Variants in SMARCAL1 observed in about 807,000 individuals in gnomAD.
SMARCAL1 encodes ATP-driven annealing helicase.
SMARCAL1 carries 58 observed loss-of-function variants against 94.5 expected under a neutral mutation model. That is an observed-to-expected ratio of 0.61 (90% CI 0.50 to 0.76). SMARCAL1 has a LOEUF of 0.76. Among genes scored for constraint, SMARCAL1 ranks in the 30% least tolerant of loss-of-function variants. The pLI, the probability that SMARCAL1 is intolerant of heterozygous loss-of-function variation, is 0.00. For synonymous variants in SMARCAL1, 422 were observed against 455.1 expected (o/e 0.93, Z 0.93); for missense variants, 1,051 against 1,177.9 (o/e 0.89, Z 1.58).
chr2:216,434,211 G>T (rs946414427), intron 8 of SMARCAL1, among the ~76,000 whole-genome samples: 2 of 152,052 alleles, frequency 1.3e-5, no homozygotes, highest in Non-Finnish European at 2.9e-5. Flanking sequence ...CAGCCAGACG[G>T]TGACCAGCCT....
intron 8 of SMARCAL1, 143 bp from the exon 9 acceptor site, chr2:216,435,195 G>A (rs1694054784): frequency 1.2e-6 from 1 of 820,106 alleles, no homozygotes; most frequent in African/African-American, 1.7e-5. Flanking sequence ...GGAGTGTCCT[G>A]TTAGTGGCAA....
In SMARCAL1 at chr2:216,420,281, ATTC is replaced by A. The variant is rs762653086; in HGVS notation, c.863-9_863-7del. 24 of 1,600,786 alleles carry A rather than the reference ATTC, an allele frequency of 1.5e-5. No homozygotes were observed. The highest frequency in any genetic ancestry group is 1.1e-4 in the South Asian group (10 of 90,614). On this transcript the variant is annotated splice_polypyrimidine_tract_variant and intron_variant, in intron 4 of 17. Transcript: ENST00000357276. ...TCCCCTGCTTTATCACTTCTGTTCG[ATTC>A]TTCTTCTTTGGCAGTGAAAGCAGCC...
intron 17 of SMARCAL1, among the ~76,000 whole-genome samples, chr2:216,481,227 C>G (rs144048993): frequency 6.0e-4 from 92 of 152,260 alleles, no homozygotes; most frequent in African/African-American, 2.1e-3. Context: ...GGGTCTCACT[C>G]TGTCACCCAG....
intron 10 of SMARCAL1, among the ~76,000 whole-genome samples, chr2:216,445,799 T>A (rs1694302401): frequency 6.6e-6 from 1 of 152,260 alleles, no homozygotes; most frequent in African/African-American, 2.4e-5. Flanking sequence ...TATTGGCGAT[T>A]GCTGTGAGGG....
At chr2:216,443,893 G>A (rs925487474) in intron 10 of SMARCAL1, among the ~76,000 whole-genome samples, 2 of 152,156 alleles carry the variant, frequency 1.3e-5, no homozygotes, top group African/African-American at 2.4e-5. Flanking sequence ...CTCCCTCCCC[G>A]ACTCCAAGCA....
chr2:216,437,444 G>A (rs1024366399), intron 9 of SMARCAL1, among the ~76,000 whole-genome samples: 2 of 152,200 alleles, frequency 1.3e-5, no homozygotes, highest in Admixed American at 6.5e-5. Flanking sequence ...TTTAAGGACA[G>A]CGTTGGGATC....
rs1390921922 is a variant in SMARCAL1 at position 216,482,596 on chromosome 2, A to C, written c.2626-142A>C. Reference sequence around the variant, plus strand: ...TAGTGATGGTTTGCTGAGATGATGCACACTTGCCATCGTGTAGCTCCCTGA... The same window carrying C: ...TAGTGATGGTTTGCTGAGATGATGCCCACTTGCCATCGTGTAGCTCCCTGA... On this transcript the variant is annotated intron_variant, in intron 17 of 17. Coordinates refer to ENST00000357276, the MANE Select transcript of SMARCAL1 (RefSeq NM_014140.4). The surrounding 1 kb of genome is among the most constrained non-coding windows in gnomAD (Gnocchi z 4.3). 3 of 1,158,294 alleles carry C rather than the reference A, an allele frequency of 2.6e-6. No individual in the cohort carries two copies. In the East Asian group the frequency reaches 7.0e-5, roughly 27 times the overall value. The allele number at this position is 1,158,294 out of a possible 1,614,324, so 71.8% of individuals were successfully genotyped here.
intron 12 of SMARCAL1, among the ~76,000 whole-genome samples, chr2:216,461,092 A>ATG (rs962222971): frequency 6.8e-5 from 8 of 117,034 alleles, no homozygotes; most frequent in African/African-American, 1.3e-4. Context: ...GTGTGTGTGT[A>ATG]TGTGTGTGTG....
intron 6 of SMARCAL1, among the ~76,000 whole-genome samples, chr2:216,426,006 C>T (rs567385480): frequency 3.9e-5 from 6 of 152,254 alleles, no homozygotes; most frequent in South Asian, 2.1e-4. Flanking sequence ...GAATTATAGG[C>T]GCATATCCCC....
At chr2:216,459,781 A>G (rs1255170443) in intron 12 of SMARCAL1, among the ~76,000 whole-genome samples, 1 of 152,084 alleles carries the variant, frequency 6.6e-6, no homozygotes, top group Admixed American at 6.5e-5. Flanking sequence ...ATGGGCAAGG[A>G]CTTCATGTCT....
chr2:216,462,219 T>C (rs1694721442), intron 12 of SMARCAL1, among the ~76,000 whole-genome samples: 1 of 152,222 alleles, frequency 6.6e-6, no homozygotes, highest in Admixed American at 6.5e-5. Context: ...TCTCAGCAGT[T>C]TTCCATCTGT....
chr2:216,428,576 G>T lies in SMARCAL1; in HGVS notation c.1148-20G>T. 4 of 1,612,332 alleles carry T rather than the reference G, an allele frequency of 2.5e-6. No individual in the cohort carries two copies. The highest frequency in any genetic ancestry group is 3.4e-6 in the Non-Finnish European group (4 of 1,179,652). ...TGGGCATGAACACTCCAGCTCATAT[G>T]CTTCTGTTCTTCTTTTCAGTTGCAA... On this transcript the variant is annotated intron_variant, in intron 6 of 17. Coordinates refer to ENST00000357276, the MANE Select transcript of SMARCAL1 (RefSeq NM_014140.4).
chr2:216,432,901 G>A (rs927993792), intron 8 of SMARCAL1, 33 bp downstream of exon 8: 2 of 1,613,748 alleles, frequency 1.2e-6, no homozygotes, highest in South Asian at 2.2e-5. Context: ...TTTTCACAGA[G>A]AAGGTTTTCT....
At chr2:216,435,557 C>T (rs1038781055) in intron 9 of SMARCAL1, 61 bp downstream of exon 9, 2 of 1,433,684 alleles carry the variant, frequency 1.4e-6, no homozygotes, top group Non-Finnish European at 2.0e-6. Flanking sequence ...TTTGTAAAAG[C>T]TCTGAGAACT....
chr2:216,445,819 G>A (rs749793818), intron 10 of SMARCAL1, among the ~76,000 whole-genome samples: 7 of 152,286 alleles, frequency 4.6e-5, no homozygotes, highest in East Asian at 1.9e-4. Flanking sequence ...GCACAAATGC[G>A]TTTAGATAAT....
At chr2:216,471,271 T>C (rs1236220422) in intron 14 of SMARCAL1, among the ~76,000 whole-genome samples, 1 of 151,890 alleles carries the variant, frequency 6.6e-6, no homozygotes, top group Non-Finnish European at 1.5e-5. Flanking sequence ...TTTCTAAGCA[T>C]AAAAACCAAG....
chr2:216,437,463 A>G (rs993456986), intron 9 of SMARCAL1, among the ~76,000 whole-genome samples: 23 of 152,204 alleles, frequency 1.5e-4, no homozygotes, highest in African/African-American at 5.5e-4. Context: ...TCTCACTGGT[A>G]TCCCAGCTAT....
Position 216,415,332 on chromosome 2 carries a change from A to G in SMARCAL1, c.628A>G (p.Ser210Gly), listed in dbSNP as rs1291642162. The G allele has an allele frequency of 6.2e-7, 1 of 1,614,256 alleles. No individual in the cohort carries two copies. The highest frequency in any genetic ancestry group is 8.5e-7 in the Non-Finnish European group (1 of 1,180,042). ...GCAGAACATTTCTTACATCCATTCTAGCTCAGAGAGTGTAACGCCCAGGAC... is the reference window on the plus strand; with the variant it reads ...GCAGAACATTTCTTACATCCATTCTGGCTCAGAGAGTGTAACGCCCAGGAC... ...SGQNISYIHS[S>G]SESVTPRTEG... Residue 210 changes from serine (S) to glycine (G), a missense_variant, in exon 3 of 18, where the codon AGC (serine) becomes GGC (glycine). This residue lies in a region of SMARCAL1 where 398 missense variants were observed against 395.2 expected (regional missense o/e 1.01). Coordinates refer to ENST00000357276, the MANE Select transcript of SMARCAL1 (RefSeq NM_014140.4).
chr2:216,466,417 A>G (rs979955620), intron 13 of SMARCAL1, among the ~76,000 whole-genome samples: 1 of 152,170 alleles, frequency 6.6e-6, no homozygotes, highest in Non-Finnish European at 1.5e-5. Context: ...AAATGCAAAC[A>G]CTGAGTAAAT....
Sources: allele counts gnomAD v4.1 joint callset (sites outside exome capture counted in the v4.1 genomes callset), GRCh38; gene constraint gnomAD v4.1.1; regional missense constraint gnomAD v4.1.1; non-coding constraint Gnocchi (gnomAD v3.1); transcripts MANE v1.5; gene names NCBI Gene and HGNC (gene_info 2026-07-23, HGNC 2026-07-21).